KCNQ2: variants seen among roughly 807,000 people sequenced by gnomAD.
KCNQ2 encodes the protein potassium voltage-gated channel subfamily Q member 2, also known as potassium voltage-gated channel subfamily KQT member 2.
A neutral mutation model predicts 84.8 loss-of-function variants in KCNQ2; 14 were observed. That is an observed-to-expected ratio of 0.17 (90% CI 0.11 to 0.26). KCNQ2 has a LOEUF of 0.26. Ranked by LOEUF, KCNQ2 falls within the 10% of genes least tolerant of loss-of-function variation. The probability of loss-of-function intolerance (pLI) is 1.00; values close to 1 mark genes in which losing one functional copy is unlikely to be tolerated. For synonymous variants in KCNQ2, 599 were observed against 554.1 expected (o/e 1.08, Z -1.14); for missense variants, 788 against 1,254.0 (o/e 0.63, Z 5.61).
Position 63,403,016 on chromosome 20 carries a change from G to T in KCNQ2, c.*3628C>A, listed in dbSNP as rs1264579337. The T allele has an allele frequency of 6.6e-6, 1 of 152,292 alleles. No homozygotes were observed. Among genetic ancestry groups the T allele is most frequent in the Non-Finnish European group, 1.5e-5 (1 of 68,082 alleles). 9.4% of individuals were successfully genotyped at this position (152,292 alleles called of 1,614,324 possible). A position where few individuals can be genotyped will look rare whatever the true frequency, so the allele number is the denominator to read the frequency against. On this transcript the variant is annotated 3_prime_UTR_variant, in exon 17 of 17. Transcript: ENST00000359125. ...AGCACCTGCCTGGGCTGGGGCCTGG[G>T]ATTCGAGGCTGAGCCACCCATCCCA...
At chr20:63,424,288 TC>T in intron 10 of KCNQ2, 82 bp from the exon 11 acceptor site, 1 of 1,465,252 alleles carries the variant, frequency 6.8e-7, no homozygotes, top group Non-Finnish European at 9.4e-7. Context: ...CCCCCCACAG[TC>T]CCATGGGTCA....
intron 1 of KCNQ2, among the ~76,000 whole-genome samples, chr20:63,467,369 C>T (rs779411237): frequency 1.3e-5 from 2 of 152,206 alleles, no homozygotes; most frequent in Non-Finnish European, 2.9e-5. Flanking sequence ...GGCTCCTCTA[C>T]GGCTGCGGAA....
rs764525788 is a variant in KCNQ2, at chr20:63,406,692, G to A, written c.2571C>T (p.Thr857=). 128 of 1,606,014 alleles carry A rather than the reference G, an allele frequency of 8.0e-5. No homozygotes were observed. Among genetic ancestry groups the A allele is most frequent in the East Asian group, 2.0e-4 (9 of 44,646 alleles). Residue 857 remains threonine (T), a synonymous_variant, in exon 17 of 17, where the codon ACC becomes ACT. Coordinates refer to ENST00000359125, the MANE Select transcript of KCNQ2 (RefSeq NM_172107.4). The part of the protein sequence containing the change: ...TPCGPPPRSA[T]GEGPFGDVGW... ...CCACGTCACCAAAGGGACCCTCGCC[G>A]GTGGCCGAGCGTGGCGGGGGCCCGC...
chr20:63,422,092 G>GC (rs1438403998), intron 11 of KCNQ2, among the ~76,000 whole-genome samples: 1 of 152,148 alleles, frequency 6.6e-6, no homozygotes, highest in Non-Finnish European at 1.5e-5. Context: ...CATGCGGGGT[G>GC]CGGGCTCCAC....
chr20:63,462,160 T>A (rs1250796934), intron 1 of KCNQ2, among the ~76,000 whole-genome samples: 5 of 114,464 alleles, frequency 4.4e-5, no homozygotes, highest in African/African-American at 3.6e-5. Flanking sequence ...GGGAGGAGGC[T>A]GCACCTACCC....
chr20:63,462,830 G>A (rs984834423), intron 1 of KCNQ2, among the ~76,000 whole-genome samples: 1 of 152,168 alleles, frequency 6.6e-6, no homozygotes, highest in Admixed American at 6.5e-5. Flanking sequence ...GCAGGGAGAG[G>A]GGGCCACACG....
At chr20:63,410,377 C>T (rs1028558455) in intron 15 of KCNQ2, among the ~76,000 whole-genome samples, 1 of 152,202 alleles carries the variant, frequency 6.6e-6, no homozygotes, top group Admixed American at 6.5e-5. Flanking sequence ...GAGACTTGAT[C>T]CCTGAGTGCT....
At chr20:63,458,835 A>G (rs4809303) in intron 1 of KCNQ2, among the ~76,000 whole-genome samples, 152,334 of 152,362 alleles carry the variant, frequency 1, 76,153 homozygotes, top group Middle Eastern at 1. Flanking sequence ...TCACTGCACC[A>G]CCTTCCGCAC....
intron 8 of KCNQ2, chr20:63,433,495 C>T (rs1396512766): frequency 1.8e-6 from 1 of 569,510 alleles, no homozygotes; most frequent in Non-Finnish European, 3.1e-6. Context: ...CGGTCCAGAG[C>T]AGCCCGGGGC....
Position 63,415,144 on chromosome 20 carries a change from G to GACAT in KCNQ2, c.1302-19_1302-18insATGT. The GACAT allele has an allele frequency of 7.1e-7, 1 of 1,405,276 alleles. No homozygotes were observed. The highest frequency in any genetic ancestry group is 9.3e-7 in the Non-Finnish European group (1 of 1,076,296). 87.1% of individuals were successfully genotyped at this position (1,405,276 alleles called of 1,614,324 possible). The stretch of plus-strand genomic sequence containing the variant: ...CCTTCTGGCTGCTCCCACGGGAACC[G>GACAT]ACAGACAGACAGAAAAACAGGGAGA... On this transcript the variant is annotated intron_variant, in intron 12 of 16. Transcript: ENST00000359125.
At chr20:63,453,447 G>A (rs1192411539) in intron 1 of KCNQ2, among the ~76,000 whole-genome samples, 11 of 152,258 alleles carry the variant, frequency 7.2e-5, no homozygotes, top group Admixed American at 7.2e-4. Flanking sequence ...CTGAGCCCTG[G>A]GAAAAATGCG....
At chr20:63,423,353 A>G (rs540242726) in intron 11 of KCNQ2, among the ~76,000 whole-genome samples, 2 of 152,310 alleles carry the variant, frequency 1.3e-5, no homozygotes, top group East Asian at 3.9e-4. Flanking sequence ...CCCCAGGTCC[A>G]AGGGGCCAGA....
Position 63,414,175 on chromosome 20 carries a change from T to C in KCNQ2, c.1544A>G (p.Glu515Gly). Residue 515 changes from glutamate to glycine, a missense_variant, in exon 14 of 17, where the codon GAG (glutamate) becomes GGG (glycine). By Grantham distance (98) the Glu-to-Gly change is moderately conservative. Coordinates refer to ENST00000359125, the MANE Select transcript of KCNQ2 (RefSeq NM_172107.4). The surrounding 1 kb of genome is among the most constrained non-coding windows in gnomAD (Gnocchi z 6.6). ...GCAGCTCTTGTCATCCACAATGTCC[T>C]CTCCGGGGAGGCTTGCTTCTGGGGG... ...QNSEEASLPG[E>G]DIVDDKSCPC... 4 of 1,613,388 alleles carry C rather than the reference T, an allele frequency of 2.5e-6. No individual in the cohort carries two copies. Among genetic ancestry groups the C allele is most frequent in the Non-Finnish European group, 3.4e-6 (4 of 1,179,824 alleles).
At chr20:63,426,998 A>G (rs535444504) in intron 10 of KCNQ2, among the ~76,000 whole-genome samples, 2 of 152,360 alleles carry the variant, frequency 1.3e-5, no homozygotes, top group South Asian at 4.1e-4. Flanking sequence ...AGACGGGCAG[A>G]GCCCTTGAGG....
At chr20:63,456,372 G>GC (rs1214440032) in intron 1 of KCNQ2, among the ~76,000 whole-genome samples, 2 of 152,214 alleles carry the variant, frequency 1.3e-5, no homozygotes, top group African/African-American at 4.8e-5. Context: ...CCCACAGCCA[G>GC]CCCCCTCGCT....
At position 63,472,319 on chromosome 20, in the gene KCNQ2, TG is replaced by T. The variant is rs1555881809; in HGVS notation, c.144del (p.Lys49SerfsTer84). 1 of 1,538,054 alleles carries T rather than the reference TG, an allele frequency of 6.5e-7. No individual in the cohort carries two copies. On this transcript the variant is annotated frameshift_variant, in exon 1 of 17. Coordinates refer to ENST00000359125, the MANE Select transcript of KCNQ2 (RefSeq NM_172107.4). LOFTEE classifies it high-confidence loss of function. ...GGTTTGCTGAGGATGCTGCCGCGCT[TG>T]GGGGCCTCGGAGCCGGCGATCAGCA... ...GALLIAGSEAPKRGSILSKPR... is the reference protein window; with the variant it reads ...GALLIAGSEAXKRGSILSKPR...
At position 63,400,313 on chromosome 20, in the gene KCNQ2, C is replaced by T. The variant is rs990191800; in HGVS notation, c.*6331G>A. On this transcript the variant is annotated 3_prime_UTR_variant, in exon 17 of 17. Transcript: ENST00000359125. This position sits in a 1 kb window ranked among gnomAD's most constrained non-coding sequence, Gnocchi z 8.7. ...CAGAACCTTCCACGGCCATCGCGGC[C>T]GCAGGACCCCACACCCGAAGTCCCC... is the stretch of plus-strand genomic sequence containing the variant. 5 of 280,706 alleles carry T rather than the reference C, an allele frequency of 1.8e-5. No individual in the cohort carries two copies. The highest frequency in any genetic ancestry group is 9.9e-4 in the Middle Eastern group (1 of 1,008). 17.4% of individuals were successfully genotyped at this position (280,706 alleles called of 1,614,324 possible).
intron 8 of KCNQ2, among the ~76,000 whole-genome samples, chr20:63,432,540 TGGGAAGGCCCCACCCTCA>T (rs2080846860): frequency 2.3e-4 from 10 of 43,014 alleles, no homozygotes; most frequent in Non-Finnish European, 5.0e-5. Context: ...CTCCACCCTC[TGGGAAGGCCCCACCCTCA>T]GGGAAGGCTC....
At chr20:63,458,830 G>A (rs2081874458) in intron 1 of KCNQ2, among the ~76,000 whole-genome samples, 1 of 152,240 alleles carries the variant, frequency 6.6e-6, no homozygotes, top group Non-Finnish European at 1.5e-5. Context: ...AGGCGTCACT[G>A]CACCACCTTC....
Sources: gnomAD v4.1 joint callset for allele counts (sites outside exome capture counted in the v4.1 genomes callset) on GRCh38, gnomAD v4.1.1 for gene constraint, Gnocchi (gnomAD v3.1) non-coding constraint, MANE v1.5 for transcripts, NCBI Gene and HGNC (gene_info 2026-07-23, HGNC 2026-07-21) for gene names.